ALDH1L1: variants seen among roughly 807,000 people sequenced by gnomAD.
The protein encoded by ALDH1L1 is cytosolic 10-formyltetrahydrofolate dehydrogenase.
ALDH1L1 carries 68 observed loss-of-function variants against 101.1 expected under a neutral mutation model. The ratio of observed to expected loss-of-function variants is 0.67; its 90% CI spans 0.55 to 0.82. The LOEUF is 0.82. Among genes scored for constraint, ALDH1L1 ranks in the 40% least tolerant of loss-of-function variants. ALDH1L1 has a pLI of 0.00. For missense variants in ALDH1L1, 1,087 were observed against 1,172.7 expected, an observed-to-expected ratio of 0.93 and a Z score of 1.07; for synonymous variants, 486 against 470.8, an observed-to-expected ratio of 1.03 and a Z score of -0.42.
upstream of ALDH1L1, among the ~76,000 whole-genome samples, chr3:126,185,068 C>A (rs1333510545): frequency 6.6e-6 from 1 of 152,130 alleles, no homozygotes; most frequent in Non-Finnish European, 1.5e-5. Context: ...AAAGGGCCTG[C>A]ATGCAATTTT....
chr3:126,157,300 G>A, intron 4 of ALDH1L1, 43 bp downstream of exon 4: 1 of 1,581,012 alleles, frequency 6.3e-7, no homozygotes, highest in Non-Finnish European at 8.6e-7. Flanking sequence ...ATGCTTGAGG[G>A]TGCGTCGGGG....
rs953995684 is a variant in ALDH1L1 at position 126,180,390 on chromosome 3, T to C, written c.-24+86A>G. On this transcript the variant is annotated intron_variant, in intron 1 of 22. Transcript: ENST00000393434. ...GGTGAGAACCGAGTCCTGGAGCCCCTGGAGCCCCCGGAGCCCCCGGAGCTG... is the reference window on the plus strand; with the variant it reads ...GGTGAGAACCGAGTCCTGGAGCCCCCGGAGCCCCCGGAGCCCCCGGAGCTG... The C allele has an allele frequency of 2.6e-5, 25 of 948,426 alleles. No homozygotes were observed. In the African/African-American group the frequency reaches 3.5e-4, roughly 13 times the overall value. The allele number at this position is 948,426 out of a possible 1,614,324, so 58.8% of individuals were successfully genotyped here.
chr3:126,112,913 G>T (rs373076042), intron 18 of ALDH1L1, 33 bp from the exon 19 acceptor site: 67 of 1,598,060 alleles, frequency 4.2e-5, no homozygotes, highest in Non-Finnish European at 5.5e-5. Context: ...CCAGGTCACT[G>T]CTCCTCCTGG....
At chr3:126,154,471 C>G in intron 6 of ALDH1L1, 83 bp downstream of exon 6, 1 of 1,374,264 alleles carries the variant, frequency 7.3e-7, no homozygotes, top group Non-Finnish European at 1.0e-6. Flanking sequence ...ATTATACCAA[C>G]CAGTTCAAAC....
intron 12 of ALDH1L1, among the ~76,000 whole-genome samples, chr3:126,131,872 C>T (rs1464363024): frequency 6.6e-6 from 1 of 152,246 alleles, no homozygotes; most frequent in Non-Finnish European, 1.5e-5. Context: ...GGGGTCATGG[C>T]CCAAGAGGCT....
At chr3:126,112,673 G>T in intron 19 of ALDH1L1, 109 bp downstream of exon 19, 1 of 1,030,280 alleles carries the variant, frequency 9.7e-7, no homozygotes, top group Admixed American at 1.8e-5. Context: ...CCTCCAGGAG[G>T]AGCCCAGCCT....
chr3:126,121,020 A>G (rs566479264), intron 16 of ALDH1L1, among the ~76,000 whole-genome samples: 1 of 152,258 alleles, frequency 6.6e-6, no homozygotes, highest in East Asian at 1.9e-4. Context: ...AGTACAGGTA[A>G]AATTAGTTAA....
chr3:126,171,830 G>A (rs1189382195), intron 1 of ALDH1L1, among the ~76,000 whole-genome samples: 1 of 152,090 alleles, frequency 6.6e-6, no homozygotes, highest in Non-Finnish European at 1.5e-5. Flanking sequence ...ACAGCCCAGG[G>A]GTGCAGGCTC....
In ALDH1L1 at chr3:126,114,520, G is replaced by A. The variant is rs200855434; in HGVS notation, c.2082+37C>T. 1.7e-5 allele frequency: 24 copies of A among 1,445,486 alleles called. No homozygotes were observed. The East Asian group carries it at 1.7e-4, about 10-fold the overall frequency. The allele number at this position is 1,445,486 out of a possible 1,614,324, so 89.5% of individuals were successfully genotyped here. On this transcript the variant is annotated intron_variant, in intron 18 of 22. Coordinates refer to ENST00000393434, the MANE Select transcript of ALDH1L1 (RefSeq NM_012190.4). ...CCTGGTCCCTACAGTCCCTGTTCCC[G>A]CTCACTGTCCCTGCCCCCTCCAGGC...
chr3:126,188,796 A>G (rs1033921264), intron 1 of ALDH1L1, among the ~76,000 whole-genome samples: 13 of 152,342 alleles, frequency 8.5e-5, no homozygotes, highest in Admixed American at 7.2e-4. Flanking sequence ...CAGGAAGACT[A>G]CTATTATGAC....
intron 16 of ALDH1L1, among the ~76,000 whole-genome samples, chr3:126,120,579 G>A (rs773091633): frequency 6.6e-6 from 1 of 152,168 alleles, no homozygotes; most frequent in Non-Finnish European, 1.5e-5. Flanking sequence ...CAACCCAAGA[G>A]TGACCCCTAA....
intron 1 of ALDH1L1, among the ~76,000 whole-genome samples, chr3:126,164,302 G>C (rs968387157): frequency 6.6e-6 from 1 of 152,154 alleles, no homozygotes; most frequent in South Asian, 2.1e-4. Context: ...GGGGGTGCAG[G>C]TGCAGGTTTG....
chr3:126,120,435 G>T lies in ALDH1L1; in HGVS notation c.1889-2337C>A, dbSNP rs529244005. On this transcript the variant is annotated intron_variant, in intron 16 of 22. Coordinates refer to ENST00000393434, the MANE Select transcript of ALDH1L1 (RefSeq NM_012190.4). ...GGAAAAGGCATAACGATGGAGACAA[G>T]AAAAAGATCACTGGTTGCCAGGGAT... Among the ~76,000 whole-genome samples the T allele has an allele frequency of 5.3e-5, 8 of 152,316 alleles. No homozygotes were observed. In the East Asian group the frequency reaches 5.8e-4, roughly 11 times the overall value.
Position 126,195,879 on chromosome 3 carries a change from G to A in ALDH1L1, c.-24+1856C>T, listed in dbSNP as rs144456352. On this transcript the variant is annotated intron_variant, in intron 1 of 2. Coordinates refer to the ALDH1L1 transcript ENST00000509952. ...TCGCAAGGACAAAAAACCAAACACC[G>A]CACGTTCTCACTCATAGGTGGGAAC... is the stretch of plus-strand genomic sequence containing the variant. Among the ~76,000 whole-genome samples, 570 of 152,090 alleles carry A rather than the reference G, an allele frequency of 3.7e-3. 2 individuals carry two copies. Among genetic ancestry groups the A allele is most frequent in the African/African-American group, 0.013 (522 of 41,462 alleles).
intron 3 of ALDH1L1, among the ~76,000 whole-genome samples, chr3:126,158,079 C>T (rs573097479): frequency 6.6e-6 from 1 of 152,198 alleles, no homozygotes; most frequent in East Asian, 1.9e-4. Flanking sequence ...GGCCCCTGCG[C>T]CTCCTGGTGC....
At chr3:126,189,694 C>T (rs1332816900) in intron 1 of ALDH1L1, among the ~76,000 whole-genome samples, 2 of 152,190 alleles carry the variant, frequency 1.3e-5, no homozygotes, top group African/African-American at 4.8e-5. Context: ...TGAGAATATA[C>T]TTTGGCATAA....
intron 16 of ALDH1L1, among the ~76,000 whole-genome samples, chr3:126,122,060 G>A (rs1467548071): frequency 6.6e-6 from 1 of 152,230 alleles, no homozygotes. Context: ...AAGAACAAGA[G>A]TGTCAACCCA....
intron 6 of ALDH1L1, among the ~76,000 whole-genome samples, 193 bp downstream of exon 6, chr3:126,154,361 C>T (rs2080864459): frequency 6.6e-6 from 1 of 152,230 alleles, no homozygotes; most frequent in Non-Finnish European, 1.5e-5. Flanking sequence ...GACATCTATC[C>T]TTTAGCTACT....
chr3:126,103,921 C>G, intron 22 of ALDH1L1, 75 bp from the exon 23 acceptor site: 1 of 1,533,262 alleles, frequency 6.5e-7, no homozygotes, highest in Admixed American at 1.8e-5. Context: ...GTGTCTTATT[C>G]CTCAGCAACC....
Sources: allele counts gnomAD v4.1 joint callset (sites outside exome capture counted in the v4.1 genomes callset), GRCh38; gene constraint gnomAD v4.1.1; transcripts MANE v1.5; gene names NCBI Gene and HGNC (gene_info 2026-07-23, HGNC 2026-07-21).